The following TRAPPC9 variants were observed in gnomAD, a reference collection of about 807,000 sequenced individuals.
The protein encoded by TRAPPC9 is trafficking protein particle complex subunit 9.
TRAPPC9 carries 83 observed loss-of-function variants against 124.0 expected under a neutral mutation model. The ratio of observed to expected loss-of-function variants is 0.67; its 90% CI spans 0.56 to 0.80. The LOEUF (loss-of-function observed/expected upper bound fraction) is 0.80, where lower values mean the gene tolerates loss of function less well. TRAPPC9 is among the 30% of genes least tolerant of loss of function. The pLI, the probability that TRAPPC9 is intolerant of heterozygous loss-of-function variation, is 0.00. For synonymous variants in TRAPPC9, 638 were observed against 617.5 expected (o/e 1.03, Z -0.49); for missense variants, 1,302 against 1,508.3 (o/e 0.86, Z 2.27).
At chr8:140,149,607 G>C (rs2061512427) in intron 17 of TRAPPC9, among the ~76,000 whole-genome samples, 1 of 149,406 alleles carries the variant, frequency 6.7e-6, no homozygotes, top group African/African-American at 2.5e-5. Context: ...CTAAGTGACA[G>C]AGCAAGACTC....
intron 7 of TRAPPC9, among the ~76,000 whole-genome samples, chr8:140,385,525 A>G (rs566348458): frequency 5.3e-5 from 8 of 152,342 alleles, no homozygotes; most frequent in African/African-American, 1.9e-4. Context: ...ACCATCAGAG[A>G]ATACTATAAA....
intron 15 of TRAPPC9, among the ~76,000 whole-genome samples, chr8:140,268,246 C>T (rs573430560): frequency 6.6e-6 from 1 of 152,292 alleles, no homozygotes; most frequent in Non-Finnish European, 1.5e-5. Context: ...ATAACCGAGT[C>T]CTATACTGTC....
rs542903330 is a variant in TRAPPC9 at position 140,050,876 on chromosome 8, G to C, written c.2557-26797C>G. On this transcript the variant is annotated intron_variant, in intron 17 of 22. Transcript: ENST00000438773. ...CCACACAGCCCTGCACAGGGGGAAG[G>C]GCACCTGCACGTGGCCTTCTTTCTC... Among the ~76,000 whole-genome samples the C allele has an allele frequency of 6.6e-5, 10 of 152,290 alleles. No homozygotes were observed. The South Asian group carries it at 2.1e-3, about 32-fold the overall frequency.
intron 16 of TRAPPC9, among the ~76,000 whole-genome samples, chr8:140,242,124 C>A (rs965024423): frequency 1.4e-5 from 2 of 142,686 alleles, no homozygotes; most frequent in African/African-American, 5.6e-5. Context: ...CCCAGCAACA[C>A]GAAGAGGCAG....
At chr8:140,154,958 G>T (rs1295928243) in intron 17 of TRAPPC9, among the ~76,000 whole-genome samples, 1 of 152,152 alleles carries the variant, frequency 6.6e-6, no homozygotes. Flanking sequence ...CAGTATCCTA[G>T]CATACCATGT....
intron 17 of TRAPPC9, among the ~76,000 whole-genome samples, chr8:140,137,001 C>T (rs2061314673): frequency 6.6e-6 from 1 of 152,130 alleles, no homozygotes; most frequent in Non-Finnish European, 1.5e-5. Context: ...AAATGCCCAA[C>T]TAAGCTGCAG....
intron 17 of TRAPPC9, among the ~76,000 whole-genome samples, chr8:140,034,761 C>A (rs527867537): frequency 6.6e-6 from 1 of 152,376 alleles, no homozygotes; most frequent in Admixed American, 6.5e-5. Context: ...ACTACCTCAA[C>A]AGCTCACCAC....
At chr8:140,180,321 G>C (rs2062169158) in intron 17 of TRAPPC9, among the ~76,000 whole-genome samples, 1 of 151,778 alleles carries the variant, frequency 6.6e-6, no homozygotes, top group Non-Finnish European at 1.5e-5. Flanking sequence ...TATAATGTAA[G>C]AATCTACCAC....
At chr8:139,747,517 G>A (rs1297263262) in intron 21 of TRAPPC9, among the ~76,000 whole-genome samples, 1 of 137,278 alleles carries the variant, frequency 7.3e-6, no homozygotes, top group African/African-American at 2.8e-5. Context: ...AAGATGCAGG[G>A]GGTACACACA....
At chr8:140,423,048 C>T (rs1238242015) in intron 5 of TRAPPC9, among the ~76,000 whole-genome samples, 1 of 152,120 alleles carries the variant, frequency 6.6e-6, no homozygotes, top group African/African-American at 2.4e-5. Flanking sequence ...AGTGGTACAG[C>T]CACTTTGGAA....
chr8:140,030,779 G>C (rs1470001590), intron 17 of TRAPPC9, among the ~76,000 whole-genome samples: 2 of 152,238 alleles, frequency 1.3e-5, no homozygotes, highest in African/African-American at 2.4e-5. Context: ...ACCATTGCTT[G>C]TATGTATATG....
At chr8:139,783,304 A>G (rs1006829046) in intron 21 of TRAPPC9, among the ~76,000 whole-genome samples, 5 of 152,224 alleles carry the variant, frequency 3.3e-5, no homozygotes, top group Admixed American at 2.0e-4. Flanking sequence ...TGATCAGGAA[A>G]GGAAGGAAGA....
intron 1 of TRAPPC9, among the ~76,000 whole-genome samples, chr8:140,455,084 T>G (rs1196187653): frequency 7.2e-5 from 11 of 152,176 alleles, no homozygotes; most frequent in Admixed American, 7.2e-4. Flanking sequence ...CCAAGAGATC[T>G]GAAAACATGT....
chr8:140,242,364 G>A (rs1040514048), intron 16 of TRAPPC9, among the ~76,000 whole-genome samples: 2 of 152,230 alleles, frequency 1.3e-5, no homozygotes, highest in Admixed American at 6.5e-5. Flanking sequence ...AGAGAAGATG[G>A]AGGGATATTT....
chr8:140,273,653 G>C (rs1476652716), intron 15 of TRAPPC9, among the ~76,000 whole-genome samples: 2 of 152,116 alleles, frequency 1.3e-5, no homozygotes, highest in East Asian at 3.9e-4. Flanking sequence ...CCAGGCATCT[G>C]CCCAGGCCCC....
intron 17 of TRAPPC9, among the ~76,000 whole-genome samples, chr8:140,126,727 T>G (rs575075473): frequency 6.6e-6 from 1 of 152,328 alleles, no homozygotes; most frequent in East Asian, 1.9e-4. Context: ...TGGCTAACTT[T>G]ACCAAATCTC....
intron 21 of TRAPPC9, among the ~76,000 whole-genome samples, chr8:139,805,195 T>C (rs1249268718): frequency 1.3e-5 from 2 of 152,200 alleles, no homozygotes; most frequent in African/African-American, 4.8e-5. Flanking sequence ...CCCCTGGATG[T>C]GGAGTAGGCG....
Position 139,977,446 on chromosome 8 carries a change from G to C in TRAPPC9, c.2810+11280C>G, listed in dbSNP as rs762285992. ...ACCCTGGCTAACATGGTGAAACCCC[G>C]TCTCTAGTAAAAATACAAAAAATTA... On this transcript the variant is annotated intron_variant, in intron 19 of 22. Transcript: ENST00000438773. Among the ~76,000 whole-genome samples the C allele has an allele frequency of 9.5e-4, 144 of 151,824 alleles. 3 individuals are homozygous for C. The highest frequency in any genetic ancestry group is 3.4e-3 in the Middle Eastern group (1 of 294).
chr8:139,757,077 C>G (rs1328370238), intron 21 of TRAPPC9, among the ~76,000 whole-genome samples: 1 of 117,472 alleles, frequency 8.5e-6, no homozygotes, highest in African/African-American at 3.4e-5. Context: ...GACAGCAGGT[C>G]ACAGGAGGAG....
Sources: gnomAD v4.1 joint callset for allele counts (sites outside exome capture counted in the v4.1 genomes callset) on GRCh38, gnomAD v4.1.1 for gene constraint, MANE v1.5 for transcripts, NCBI Gene and HGNC (gene_info 2026-07-23, HGNC 2026-07-21) for gene names.